TNFRSF11A: variants seen among roughly 807,000 people sequenced by gnomAD.
TNFRSF11A encodes the protein tumor necrosis factor receptor superfamily member 11A.
Under a neutral mutation model 55.7 loss-of-function variants are expected in TNFRSF11A, and 32 were observed. The observed-to-expected ratio is 0.57, with a 90% CI of 0.43 to 0.77. The LOEUF is 0.77. Ranked by LOEUF, TNFRSF11A falls within the 30% of genes least tolerant of loss-of-function variation. The pLI is 0.00. For synonymous variants in TNFRSF11A, 311 were observed against 331.0 expected, an observed-to-expected ratio of 0.94 and a Z score of 0.65; for missense variants, 753 against 809.8, an observed-to-expected ratio of 0.93 and a Z score of 0.85.
chr18:62,381,382 A>G (rs1266202795), intron 9 of TNFRSF11A, among the ~76,000 whole-genome samples: 1 of 152,236 alleles, frequency 6.6e-6, no homozygotes, highest in African/African-American at 2.4e-5. Context: ...GTAAACAACA[A>G]TGGATTCATG....
At chr18:62,333,214 A>G (rs4941128) in intron 1 of TNFRSF11A, among the ~76,000 whole-genome samples, 58,339 of 151,920 alleles carry the variant, frequency 0.38, 12,329 homozygotes, top group African/African-American at 0.56. Flanking sequence ...CAGAACTGGG[A>G]CTCTGCCCTG....
chr18:62,376,789 G>A (rs1910929021), intron 9 of TNFRSF11A, among the ~76,000 whole-genome samples: 1 of 152,138 alleles, frequency 6.6e-6, no homozygotes. Flanking sequence ...TGTCTCCATA[G>A]TTTTTCCTGG....
In TNFRSF11A at chr18:62,325,377, C is replaced by A; in HGVS notation, c.25C>A (p.Arg9Ser). The change falls in exon 1 of 10, where the codon CGC (arginine) becomes AGC (serine). Residue 9 changes from arginine (R) to serine (S), a missense_variant. Arg to Ser is a moderately radical substitution (Grantham distance 110). This residue lies in a region of TNFRSF11A where 156 missense variants were observed against 155.1 expected (regional missense o/e 1.01). Transcript: ENST00000586569. This position sits in a 1 kb window ranked among gnomAD's most constrained non-coding sequence, Gnocchi z 4.7. MAPRARRRRPLFALLLLCA... is the reference protein window; with the variant it reads MAPRARRRSPLFALLLLCA... ...CATGGCCCCGCGCGCCCGGCGGCGC[C>A]GCCCGCTGTTCGCGCTGCTGCTGCT... 9.3e-7 allele frequency: 1 copy of A among 1,071,660 alleles called. No homozygotes were observed. The highest frequency in any genetic ancestry group is 3.9e-5 in the South Asian group (1 of 25,426). 66.4% of individuals were successfully genotyped at this position (1,071,660 alleles called of 1,614,324 possible).
chr18:62,366,645 T>C, intron 7 of TNFRSF11A, 63 bp from the exon 8 acceptor site: 2 of 1,535,918 alleles, frequency 1.3e-6, no homozygotes, highest in Non-Finnish European at 1.8e-6. Flanking sequence ...ATAACCTTTA[T>C]TTAAAAGAAA....
intron 7 of TNFRSF11A, among the ~76,000 whole-genome samples, chr18:62,363,136 G>C (rs1025349182): frequency 1.7e-4 from 26 of 151,736 alleles, no homozygotes; most frequent in Admixed American, 1.2e-3. Flanking sequence ...GAGCCACCAC[G>C]CCTGGCCCAG....
chr18:62,345,351 C>T (rs2078997126), intron 1 of TNFRSF11A, among the ~76,000 whole-genome samples: 1 of 152,152 alleles, frequency 6.6e-6, no homozygotes, highest in South Asian at 2.1e-4. Context: ...TTGCAAACCA[C>T]ATTTACTTAA....
At chr18:62,375,938 G>A (rs1910863108) in intron 9 of TNFRSF11A, among the ~76,000 whole-genome samples, 1 of 152,212 alleles carries the variant, frequency 6.6e-6, no homozygotes. Flanking sequence ...GGTCAGGGCT[G>A]CAGTGCAACC....
chr18:62,365,417 CT>C, intron 7 of TNFRSF11A, among the ~76,000 whole-genome samples: 1 of 152,274 alleles, frequency 6.6e-6, no homozygotes, highest in Middle Eastern at 3.4e-3. Context: ...TGGAGATGTA[CT>C]TTTTTGAACA....
intron 1 of TNFRSF11A, among the ~76,000 whole-genome samples, chr18:62,328,025 G>C (rs923952995): frequency 6.6e-6 from 1 of 152,258 alleles, no homozygotes; most frequent in Non-Finnish European, 1.5e-5. Context: ...GGGGTTATAA[G>C]ATGCAAGAGC....
chr18:62,329,530 T>A (rs1303013051), intron 1 of TNFRSF11A, among the ~76,000 whole-genome samples: 1 of 152,208 alleles, frequency 6.6e-6, no homozygotes, highest in Non-Finnish European at 1.5e-5. Context: ...TGGGGCTTTC[T>A]ATGGTGTCCA....
chr18:62,349,759 C>T (rs2046437473), intron 2 of TNFRSF11A, 53 bp from the exon 3 acceptor site: 2 of 1,608,674 alleles, frequency 1.2e-6, no homozygotes, highest in Non-Finnish European at 8.5e-7. Context: ...CTTTGTGTTG[C>T]TGTTTTTGTT....
chr18:62,351,536 G>T (rs755857786), intron 3 of TNFRSF11A, among the ~76,000 whole-genome samples: 1 of 152,180 alleles, frequency 6.6e-6, no homozygotes, highest in South Asian at 2.1e-4. Context: ...GCTGCAGAAA[G>T]GTGATGTTCT....
intron 9 of TNFRSF11A, among the ~76,000 whole-genome samples, chr18:62,377,203 C>G (rs758382591): frequency 6.6e-6 from 1 of 152,226 alleles, no homozygotes; most frequent in Non-Finnish European, 1.5e-5. Flanking sequence ...GCGTGAGCCA[C>G]CGTGCCTGGC....
intron 9 of TNFRSF11A, among the ~76,000 whole-genome samples, chr18:62,375,638 G>A (rs1910841251): frequency 6.6e-6 from 1 of 152,156 alleles, no homozygotes; most frequent in South Asian, 2.1e-4. Context: ...ATTCCTCACA[G>A]AAATTCTATG....
chr18:62,387,319 G>A lies in TNFRSF11A; in HGVS notation c.*2285G>A, dbSNP rs1017624349. 7.2e-5 allele frequency: 11 copies of A among 152,194 alleles called. No homozygotes were observed. Among genetic ancestry groups the A allele is most frequent in the Admixed American group, 1.3e-4 (2 of 15,276 alleles). 9.4% of individuals were successfully genotyped at this position (152,194 alleles called of 1,614,324 possible). A position where few individuals can be genotyped will look rare whatever the true frequency, so the allele number is the denominator to read the frequency against. On this transcript the variant is annotated 3_prime_UTR_variant, in exon 10 of 10. Coordinates refer to ENST00000586569, the MANE Select transcript of TNFRSF11A (RefSeq NM_003839.4). ...GTCTGTGTCTGTGTACTGTAGAGAT[G>A]TATGTGACAAGTGTAAACAAAATGA...
intron 1 of TNFRSF11A, among the ~76,000 whole-genome samples, chr18:62,337,405 C>G (rs537721240): frequency 6.6e-6 from 1 of 152,246 alleles, no homozygotes; most frequent in Non-Finnish European, 1.5e-5. Flanking sequence ...ATCAATACCA[C>G]ACAATTCTGA....
chr18:62,342,415 A>AAAAAAAAAAAAAAAAAAAAAAAC (rs2046326744), intron 1 of TNFRSF11A, among the ~76,000 whole-genome samples: 1 of 150,784 alleles, frequency 6.6e-6, no homozygotes, highest in Non-Finnish European at 1.5e-5. Flanking sequence ...AAAAAAAAAA[A>AAAAAAAAAAAAAAAAAAAAAAAC]AAAAAAAAAA....
At chr18:62,345,485 A>C (rs186091972) in intron 1 of TNFRSF11A, among the ~76,000 whole-genome samples, 1 of 152,330 alleles carries the variant, frequency 6.6e-6, no homozygotes, top group Admixed American at 6.5e-5. Flanking sequence ...GCTGGACCCT[A>C]AATGAGATTA....
chr18:62,330,648 A>G (rs1048574730), intron 1 of TNFRSF11A, among the ~76,000 whole-genome samples: 1 of 151,982 alleles, frequency 6.6e-6, no homozygotes, highest in African/African-American at 2.4e-5. Flanking sequence ...TAAGGAGCCT[A>G]CTGCCTTGGT....
Sources: allele counts gnomAD v4.1 joint callset (sites outside exome capture counted in the v4.1 genomes callset), GRCh38; gene constraint gnomAD v4.1.1; regional missense constraint gnomAD v4.1.1; non-coding constraint Gnocchi (gnomAD v3.1); transcripts MANE v1.5; gene names NCBI Gene and HGNC (gene_info 2026-07-23, HGNC 2026-07-21).